Variants in MLXIPL observed in about 807,000 individuals in gnomAD.
MLXIPL encodes the protein carbohydrate-responsive element-binding protein.
A neutral mutation model predicts 81.5 loss-of-function variants in MLXIPL; 49 were observed. That is an observed-to-expected ratio of 0.60 (90% CI 0.48 to 0.76). MLXIPL has a LOEUF of 0.76. Ranked by LOEUF, MLXIPL falls within the 30% of genes least tolerant of loss-of-function variation. MLXIPL has a pLI of 0.00. For missense variants in MLXIPL, 1,053 were observed against 1,167.0 expected (o/e 0.90, Z 1.42); for synonymous variants, 466 against 485.5 (o/e 0.96, Z 0.53).
the MLXIPL span, among the ~76,000 whole-genome samples, chr7:73,638,751 T>C: frequency 6.6e-6 from 1 of 152,088 alleles, no homozygotes; most frequent in Non-Finnish European, 1.5e-5. Context: ...GCCTCCCTAG[T>C]AGCTGGGATT....
At chr7:73,625,713 A>G (rs1206178512), upstream of MLXIPL, among the ~76,000 whole-genome samples, 1 of 151,804 alleles carries the variant, frequency 6.6e-6, no homozygotes, top group Non-Finnish European at 1.5e-5. Flanking sequence ...GTGAGCCGAG[A>G]TCGCGCCCTA....
chr7:73,597,731 C>G lies in MLXIPL; in HGVS notation c.1072-18G>C. On this transcript the variant is annotated intron_variant, in intron 8 of 16. Transcript: ENST00000313375. Reference sequence around the variant, plus strand: ...TTCCGAGCCTGGTTGGGGGGACAGACAGACACTCAGAGAGCAGGGGAGAGA... The same window carrying G: ...TTCCGAGCCTGGTTGGGGGGACAGAGAGACACTCAGAGAGCAGGGGAGAGA... The G allele has an allele frequency of 7.5e-7, 1 of 1,338,944 alleles. No homozygotes were observed. Among genetic ancestry groups the G allele is most frequent in the Non-Finnish European group, 9.5e-7 (1 of 1,047,814 alleles). 82.9% of individuals were successfully genotyped at this position (1,338,944 alleles called of 1,614,324 possible). A position where few individuals can be genotyped will look rare whatever the true frequency, so the allele number is the denominator to read the frequency against.
At chr7:73,612,367 G>A (rs923006732) in intron 2 of MLXIPL, among the ~76,000 whole-genome samples, 3 of 151,804 alleles carry the variant, frequency 2.0e-5, no homozygotes, top group South Asian at 2.1e-4. Context: ...TAGGCCAGGC[G>A]CGGTGGCTCA....
At chr7:73,628,982 T>G (rs1796794902), upstream of MLXIPL, among the ~76,000 whole-genome samples, 1 of 152,190 alleles carries the variant, frequency 6.6e-6, no homozygotes, top group East Asian at 1.9e-4. Flanking sequence ...AAGTCCCACC[T>G]ATGACATCTT....
intron 2 of MLXIPL, chr7:73,610,428 C>T (rs984302097): frequency 2.2e-5 from 3 of 139,176 alleles, no homozygotes; most frequent in Non-Finnish European, 4.8e-5. Context: ...ACCCGTCCCC[C>T]TCCTCCATGA....
At chr7:73,639,441 C>T in the MLXIPL span, among the ~76,000 whole-genome samples, 1 of 152,084 alleles carries the variant, frequency 6.6e-6, no homozygotes, top group East Asian at 1.9e-4. Flanking sequence ...TTTGATAAAT[C>T]CCTATAGGGA....
At chr7:73,629,962 C>CT in the MLXIPL span, among the ~76,000 whole-genome samples, 1 of 139,906 alleles carries the variant, frequency 7.1e-6, no homozygotes, top group Non-Finnish European at 1.6e-5. Context: ...CTTGGCTTGT[C>CT]TTTTTTATTA....
At chr7:73,616,379 C>A (rs1239832412) in intron 1 of MLXIPL, among the ~76,000 whole-genome samples, 2 of 152,164 alleles carry the variant, frequency 1.3e-5, no homozygotes, top group South Asian at 4.1e-4. Flanking sequence ...CCACCAGCGG[C>A]CCCTGTGTTC....
the MLXIPL span, among the ~76,000 whole-genome samples, chr7:73,632,740 TTCTTTCCTTCC>T: frequency 7.8e-6 from 1 of 128,214 alleles, no homozygotes; most frequent in Non-Finnish European, 1.7e-5. Flanking sequence ...CATTCCTTCC[TTCTTTCCTTCC>T]TTCCTTCCTT....
Position 73,624,398 on chromosome 7 carries a change from G to T in MLXIPL, c.95C>A (p.Pro32Gln), listed in dbSNP as rs1554603110. ...GCCGCCCGCGCTGCGCCGGAGACTC[G>T]GGTCCTCCGAGTCTGTGTCCGAGTC... ...DSDSDTDSED[P>Q]SLRRSAGGLL... The change falls in exon 1 of 17, where the codon CCG becomes CAG. Residue 32 changes from proline (P) to glutamine (Q), a missense_variant. This residue lies in a region of MLXIPL where 226 missense variants were observed against 216.2 expected (regional missense o/e 1.05). Coordinates refer to ENST00000313375, the MANE Select transcript of MLXIPL (RefSeq NM_032951.3). The T allele has an allele frequency of 6.4e-7, 1 of 1,566,738 alleles. No homozygotes were observed. The highest frequency in any genetic ancestry group is 2.3e-5 in the East Asian group (1 of 42,556).
the MLXIPL span, among the ~76,000 whole-genome samples, chr7:73,636,200 G>A: frequency 4.6e-5 from 7 of 152,206 alleles, no homozygotes; most frequent in African/African-American, 9.6e-5. Context: ...ACTTGAGGCC[G>A]GGAGTTTAAG....
the MLXIPL span, among the ~76,000 whole-genome samples, chr7:73,643,160 C>G: frequency 1.6e-4 from 25 of 152,300 alleles, no homozygotes; most frequent in East Asian, 4.6e-3. Context: ...ATCTGCTCAA[C>G]CAGCCCGTTG....
At chr7:73,624,749 C>T (rs1159911645), upstream of MLXIPL, among the ~76,000 whole-genome samples, 1 of 152,184 alleles carries the variant, frequency 6.6e-6, no homozygotes, top group Non-Finnish European at 1.5e-5. Context: ...CCCTACTTTG[C>T]TCCAAAGGGA....
chr7:73,636,388 C>T, the MLXIPL span, among the ~76,000 whole-genome samples: 2 of 147,142 alleles, frequency 1.4e-5, no homozygotes, highest in African/African-American at 5.1e-5. Flanking sequence ...CCAGCCTGAG[C>T]GACAGAGTGA....
rs1563476235 is a variant in MLXIPL at position 73,596,614 on chromosome 7, C to T, written c.1822+25G>A. On this transcript the variant is annotated intron_variant, in intron 11 of 16. Coordinates refer to ENST00000313375, the MANE Select transcript of MLXIPL (RefSeq NM_032951.3). This position sits in a 1 kb window ranked among gnomAD's most constrained non-coding sequence, Gnocchi z 4.7. ...CTTCCCCTCATCCCCTAGATTCCCC[C>T]AATCCCTGCAACCCCTCTCTTTACC... 1.2e-6 allele frequency: 2 copies of T among 1,604,108 alleles called. No individual in the cohort carries two copies. Among genetic ancestry groups the T allele is most frequent in the Non-Finnish European group, 1.7e-6 (2 of 1,175,736 alleles).
At chr7:73,622,388 C>G (rs972179948) in intron 1 of MLXIPL, among the ~76,000 whole-genome samples, 1 of 151,706 alleles carries the variant, frequency 6.6e-6, no homozygotes, top group African/African-American at 2.4e-5. Flanking sequence ...ACTCAGGAGG[C>G]TGAGGCAGGA....
rs3812315 is a variant in MLXIPL, at chr7:73,605,979, C to T, written c.751G>A (p.Asp251Asn). 78 of 1,592,444 alleles carry T rather than the reference C, an allele frequency of 4.9e-5. 1 individual carries two copies. In the South Asian group the frequency reaches 5.2e-4, roughly 11 times the overall value. The change falls in exon 6 of 17, where the codon GAC (aspartate) becomes AAC (asparagine). Residue 251 changes from aspartate to asparagine, a missense_variant. Asp to Asn is a conservative substitution (Grantham distance 23). Around this residue, in one of 3 missense-constraint regions of MLXIPL, gnomAD observed 823 missense variants for 933.0 expected, o/e 0.88. Transcript: ENST00000313375. ...QLLDLNCFLS[D>N]ISDTLFTMTQ... is the part of the protein sequence containing the mutation. ...ATGGTGAAGAGAGTGTCTGAGATGT[C>T]GGACAAAAAGCAATTGAGGTCCAGG...
the MLXIPL span, among the ~76,000 whole-genome samples, chr7:73,634,616 T>G: frequency 3.3e-5 from 5 of 151,810 alleles, no homozygotes; most frequent in Admixed American, 6.6e-5. Flanking sequence ...GGTCTCGAAC[T>G]CCTGACCTCA....
intron 7 of MLXIPL, among the ~76,000 whole-genome samples, chr7:73,602,130 G>GCCTGCCTTCCTTCCTTCCTT (rs1461829446): frequency 0.011 from 882 of 80,508 alleles, 18 homozygotes; most frequent in Middle Eastern, 0.016. Flanking sequence ...CTGCCTGCCT[G>GCCTGCCTTCCTTCCTTCCTT]CCTTCCTTCC....
Sources: allele counts gnomAD v4.1 joint callset (sites outside exome capture counted in the v4.1 genomes callset), GRCh38; gene constraint gnomAD v4.1.1; regional missense constraint gnomAD v4.1.1; non-coding constraint Gnocchi (gnomAD v3.1); transcripts MANE v1.5; gene names NCBI Gene and HGNC (gene_info 2026-07-23, HGNC 2026-07-21).